The following FAP variants were observed in gnomAD, a reference collection of about 807,000 sequenced individuals.
FAP encodes the protein prolyl endopeptidase FAP.
Under a neutral mutation model 126.5 loss-of-function variants are expected in FAP, and 110 were observed. The ratio of observed to expected loss-of-function variants is 0.87; its 90% CI spans 0.74 to 1.02. FAP has a LOEUF of 1.02. Among genes scored for constraint, FAP ranks in the 50% least tolerant of loss-of-function variants. FAP has a pLI of 0.00. For missense variants in FAP, 919 were observed against 909.2 expected, an observed-to-expected ratio of 1.01 and a Z score of -0.14; for synonymous variants, 334 against 297.3, an observed-to-expected ratio of 1.12 and a Z score of -1.27.
chr2:162,175,684 G>C (rs541689821), intron 21 of FAP: 1 of 152,144 alleles, frequency 6.6e-6, no homozygotes, highest in Non-Finnish European at 1.5e-5. Flanking sequence ...AGCTCTCATA[G>C]ATTTTCTTCT....
At chr2:162,217,879 A>G (rs1689214182) in intron 9 of FAP, 107 bp downstream of exon 9, 1 of 784,886 alleles carries the variant, frequency 1.3e-6, no homozygotes, top group Non-Finnish European at 2.0e-6. Flanking sequence ...ACAATGCTCA[A>G]GGATAAGAAG....
At chr2:162,177,387 C>T (rs1362983906) in intron 21 of FAP, among the ~76,000 whole-genome samples, 1 of 152,090 alleles carries the variant, frequency 6.6e-6, no homozygotes, top group Non-Finnish European at 1.5e-5. Flanking sequence ...TGGTCTCACA[C>T]AATCTGTCTC....
intron 2 of FAP, among the ~76,000 whole-genome samples, chr2:162,240,771 G>C (rs1690315728): frequency 6.6e-6 from 1 of 152,192 alleles, no homozygotes; most frequent in South Asian, 2.1e-4. Context: ...CTAAGTAGGA[G>C]CTCGCTTAGC....
intron 14 of FAP, among the ~76,000 whole-genome samples, chr2:162,201,425 C>T (rs1042094316): frequency 2.0e-5 from 3 of 152,154 alleles, no homozygotes; most frequent in African/African-American, 7.2e-5. Context: ...TAAACTAACA[C>T]CTTTCTATGC....
In FAP at chr2:162,215,985, G is replaced by C; in HGVS notation, c.779C>G (p.Pro260Arg). ...IPYPKAGAKN[P>R]VVRIFIIDTT... The stretch of plus-strand genomic sequence containing the variant: ...ATCGATAATAAATATCCGAACAACG[G>C]GATTCTTAGCTCCAGCCTGCCAAGA... Residue 260 changes from proline (P) to arginine (R), a missense_variant, in exon 10 of 26, where the codon CCC becomes CGC. Pro to Arg is a moderately radical substitution (Grantham distance 103). Coordinates refer to ENST00000188790, the MANE Select transcript of FAP (RefSeq NM_004460.5). 6.2e-7 allele frequency: 1 copy of C among 1,613,766 alleles called. No individual in the cohort carries two copies. Among genetic ancestry groups the C allele is most frequent in the Non-Finnish European group, 8.5e-7 (1 of 1,179,838 alleles).
chr2:162,232,039 G>A (rs1015656316), intron 2 of FAP, among the ~76,000 whole-genome samples: 1 of 152,032 alleles, frequency 6.6e-6, no homozygotes, highest in African/African-American at 2.4e-5. Context: ...TATCACACCG[G>A]GTTTTGTTTG....
intron 23 of FAP, among the ~76,000 whole-genome samples, 176 bp downstream of exon 23, chr2:162,173,547 G>A (rs1687386752): frequency 6.6e-6 from 1 of 152,004 alleles, no homozygotes; most frequent in Admixed American, 6.6e-5. Flanking sequence ...GATGGGAAAA[G>A]AAAGAACAGA....
rs1688516774 is a variant in FAP, at chr2:162,201,988, GC to G, written c.1223+883del. ...CTCCAAAGAAAGTCCAAACACCTTT[GC>G]CCTCCATTCAAAGAATTCCAAAGAT... On this transcript the variant is annotated intron_variant, in intron 14 of 25. Transcript: ENST00000188790. Among the ~76,000 whole-genome samples the G allele has an allele frequency of 2.0e-5, 3 of 152,198 alleles. No individual in the cohort carries two copies. The South Asian group carries it at 6.2e-4, about 32-fold the overall frequency.
At chr2:162,204,246 A>AT (rs1173998224) in intron 12 of FAP, among the ~76,000 whole-genome samples, 9 of 152,210 alleles carry the variant, frequency 5.9e-5, no homozygotes, top group Non-Finnish European at 2.9e-5. Context: ...TGATGACCTC[A>AT]TATTTGATGC....
At chr2:162,214,841 C>T (rs1689104897) in intron 10 of FAP, among the ~76,000 whole-genome samples, 1 of 151,874 alleles carries the variant, frequency 6.6e-6, no homozygotes, top group African/African-American at 2.4e-5. Flanking sequence ...ATAATATTAC[C>T]TATTTTAAAG....
At chr2:162,235,090 C>T (rs950661068) in intron 2 of FAP, among the ~76,000 whole-genome samples, 3 of 152,016 alleles carry the variant, frequency 2.0e-5, no homozygotes, top group African/African-American at 4.8e-5. Context: ...GGGCAGGGCT[C>T]GGGACCTGCA....
intron 17 of FAP, 110 bp downstream of exon 17, chr2:162,194,591 T>A (rs774175745): frequency 6.7e-6 from 6 of 895,476 alleles, no homozygotes; most frequent in African/African-American, 1.6e-5. Flanking sequence ...CAGGATTCCA[T>A]CGCAGTTCCC....
chr2:162,194,488 C>T (rs1688166591), intron 17 of FAP, among the ~76,000 whole-genome samples: 4 of 152,088 alleles, frequency 2.6e-5, no homozygotes, highest in Non-Finnish European at 5.9e-5. Context: ...CTGTGTTATG[C>T]CAGGTTCTCA....
intron 21 of FAP, among the ~76,000 whole-genome samples, chr2:162,179,793 T>TC (rs35174975): frequency 4.8e-5 from 1 of 21,002 alleles, no homozygotes; most frequent in Non-Finnish European, 1.2e-4. Context: ...TATCTATCTA[T>TC]ATATATATAT....
chr2:162,237,541 C>T (rs1690188593), intron 2 of FAP, among the ~76,000 whole-genome samples: 1 of 151,590 alleles, frequency 6.6e-6, no homozygotes, highest in African/African-American at 2.4e-5. Context: ...CCTGCATGTC[C>T]CATGGCTGCA....
At chr2:162,181,443 T>C (rs1225266275) in intron 21 of FAP, among the ~76,000 whole-genome samples, 2 of 152,172 alleles carry the variant, frequency 1.3e-5, no homozygotes, top group Admixed American at 6.5e-5. Flanking sequence ...CAAGATACTT[T>C]AGACTTTTGA....
intron 15 of FAP, among the ~76,000 whole-genome samples, 193 bp downstream of exon 15, chr2:162,200,373 A>T (rs1688447848): frequency 6.6e-6 from 1 of 152,228 alleles, no homozygotes; most frequent in African/African-American, 2.4e-5. Context: ...TTTTGAAAAC[A>T]AATATTTTGA....
At chr2:162,180,213 G>A (rs1400989409) in intron 21 of FAP, among the ~76,000 whole-genome samples, 1 of 152,134 alleles carries the variant, frequency 6.6e-6, no homozygotes, top group Non-Finnish European at 1.5e-5. Context: ...AAGGTATCTG[G>A]GCTTTGTGTT....
intron 16 of FAP, among the ~76,000 whole-genome samples, chr2:162,197,290 A>C (rs1053747582): frequency 6.6e-6 from 1 of 152,206 alleles, no homozygotes; most frequent in Non-Finnish European, 1.5e-5. Flanking sequence ...GATTAAAAGA[A>C]TGTAGCCCCT....
Sources: allele counts gnomAD v4.1 joint callset (sites outside exome capture counted in the v4.1 genomes callset), GRCh38; gene constraint gnomAD v4.1.1; transcripts MANE v1.5; gene names NCBI Gene and HGNC (gene_info 2026-07-23, HGNC 2026-07-21).